NLRP13: variants seen among roughly 807,000 people sequenced by gnomAD.
NLRP13 encodes the protein NLR family pyrin domain containing 13, also known as NACHT, LRR and PYD domains-containing protein 13.
A neutral mutation model predicts 94.4 loss-of-function variants in NLRP13; 82 were observed. The ratio of observed to expected loss-of-function variants is 0.87; its 90% confidence interval spans 0.73 to 1.04. The LOEUF is 1.04. Among genes scored for constraint, NLRP13 ranks in the 50% least tolerant of loss-of-function variants. The pLI, the probability that NLRP13 is intolerant of heterozygous loss-of-function variation, is 0.00. For missense variants in NLRP13, 1,426 were observed against 1,230.8 expected (o/e 1.16, Z -2.37); for synonymous variants, 553 against 464.7 (o/e 1.19, Z -2.45).
At chr19:55,910,836 A>T (rs925325127) in intron 5 of NLRP13, 103 bp from the exon 6 acceptor site, 4 of 1,035,534 alleles carry the variant, frequency 3.9e-6, no homozygotes, top group African/African-American at 1.6e-5. Flanking sequence ...CAAAATTATT[A>T]TAATTTTCCT....
intron 4 of NLRP13, among the ~76,000 whole-genome samples, chr19:55,921,159 T>A (rs1409084773): frequency 2.0e-5 from 3 of 152,120 alleles, no homozygotes; most frequent in African/African-American, 7.2e-5. Flanking sequence ...ATTCCTTTAA[T>A]AGGTACAATG....
chr19:55,892,225 C>A (rs750840818), downstream of NLRP13: 8 of 794,382 alleles, frequency 1.0e-5, no homozygotes, highest in South Asian at 6.6e-5. Context: ...TTACATGGGT[C>A]TACTGTGTGG....
chr19:55,914,650 G>T (rs1986632668), intron 4 of NLRP13, among the ~76,000 whole-genome samples: 1 of 152,110 alleles, frequency 6.6e-6, no homozygotes, highest in Non-Finnish European at 1.5e-5. Context: ...GTGAGATGGG[G>T]CAGTAATTGC....
chr19:55,902,308 G>C, intron 8 of NLRP13, 103 bp from the exon 9 acceptor site: 1 of 937,502 alleles, frequency 1.1e-6, no homozygotes, highest in East Asian at 2.6e-5. Flanking sequence ...ACATGCAGCA[G>C]CTCCCTGGAC....
intron 9 of NLRP13, among the ~76,000 whole-genome samples, chr19:55,900,320 A>G (rs1986131501): frequency 6.6e-6 from 1 of 152,250 alleles, no homozygotes; most frequent in Non-Finnish European, 1.5e-5. Context: ...CAGCATTTGA[A>G]AACATACTCA....
chr19:55,907,546 C>T (rs1172903366), intron 7 of NLRP13, among the ~76,000 whole-genome samples: 5 of 152,004 alleles, frequency 3.3e-5, no homozygotes, highest in Admixed American at 1.3e-4. Context: ...CACTCCAGCC[C>T]GGGGAACAGA....
intron 4 of NLRP13, among the ~76,000 whole-genome samples, chr19:55,913,548 C>CAAAAAAAAAAAAAAAAAAAAAAAAAAAA (rs10530056): frequency 7.7e-5 from 4 of 52,070 alleles, no homozygotes; most frequent in Non-Finnish European, 8.0e-5. Context: ...GACTCCGTCT[C>CAAAAAAAAAAAAAAAAAAAAAAAAAAAA]AAAAAAAAAA....
chr19:55,931,054 G>T (rs977698559), intron 1 of NLRP13, among the ~76,000 whole-genome samples: 1 of 144,684 alleles, frequency 6.9e-6, no homozygotes, highest in Admixed American at 6.8e-5. Context: ...GATGTGGCAT[G>T]AAACTTTACC....
intron 9 of NLRP13, among the ~76,000 whole-genome samples, chr19:55,901,298 A>AC (rs1409436048): frequency 6.6e-6 from 1 of 152,172 alleles, no homozygotes; most frequent in Non-Finnish European, 1.5e-5. Context: ...GCAAATCCTG[A>AC]CCCCGTGCCC....
rs1985995498 is a variant in NLRP13 at position 55,895,958 on chromosome 19, T to C, written c.3119A>G (p.Gln1040Arg). ...AGTCAGTGAGGTTTACCCGAGTTTCTGCAGCCTGCATGTCGACTTTTTCAA... is the reference window on the plus strand; with the variant it reads ...AGTCAGTGAGGTTTACCCGAGTTTCCGCAGCCTGCATGTCGACTTTTTCAA... ...KALKKSTCRL[Q>R]KLG Residue 1040 changes from glutamine to arginine, a missense_variant, in exon 11 of 11, where the codon CAG becomes CGG. Physicochemically the swap from Gln to Arg is conservative, Grantham distance 43. Coordinates refer to ENST00000342929, the MANE Select transcript of NLRP13 (RefSeq NM_176810.2). 1.2e-6 allele frequency: 2 copies of C among 1,613,996 alleles called. No individual in the cohort carries two copies. Among genetic ancestry groups the C allele is most frequent in the South Asian group, 2.2e-5 (2 of 91,036 alleles).
Position 55,913,097 on chromosome 19 carries a change from C to G in NLRP13, c.720G>C (p.Gly240=), listed in dbSNP as rs1440919029. 6.2e-7 allele frequency: 1 copy of G among 1,614,012 alleles called. No homozygotes were observed. Among genetic ancestry groups the G allele is most frequent in the African/African-American group, 1.3e-5 (1 of 74,928 alleles). ...TIVLVGRAGV[G]KTTLAMQAML... is the part of the protein sequence containing the mutation. ...TAGCCTGCATTGCCAAGGTGGTCTT[C>G]CCAACCCCTGCCCTCCCCACCAAGA... The change falls in exon 5 of 11, where the codon GGG becomes GGC. Residue 240 remains glycine, a synonymous_variant. Coordinates refer to ENST00000342929, the MANE Select transcript of NLRP13 (RefSeq NM_176810.2).
rs1377893830 is a variant in NLRP13, at chr19:55,907,415, T to TA, written c.2447+376dup. 5.0e-3 allele frequency among the ~76,000 whole-genome samples: 755 copies of TA among 151,916 alleles called. 8 individuals are homozygous for TA. Among genetic ancestry groups the TA allele is most frequent in the African/African-American group, 0.018 (730 of 41,462 alleles). ...GGCAAAACCCCATTTCTACAAAAAG[T>TA]ACAAAAATTCACTGGGTGTGGTGGC... is the stretch of plus-strand genomic sequence containing the variant. On this transcript the variant is annotated intron_variant, in intron 7 of 10. Transcript: ENST00000342929.
rs768533031 is a variant in NLRP13 at position 55,924,539 on chromosome 19, C to T, written c.457+51G>A. On this transcript the variant is annotated intron_variant, in intron 3 of 10. Transcript: ENST00000342929. ...AGGCAGCAAATGTGGACCAATGAAA[C>T]GAGTGTTCCATCAAGCAACCTGTCA... The T allele has an allele frequency of 2.3e-4, 302 of 1,306,972 alleles. 1 individual carries two copies. Among genetic ancestry groups the T allele is most frequent in the East Asian group, 1.9e-3 (84 of 43,468 alleles). 81.0% of individuals were successfully genotyped at this position (1,306,972 alleles called of 1,614,324 possible). A position where few individuals can be genotyped will look rare whatever the true frequency, so the allele number is the denominator to read the frequency against.
chr19:55,894,941 G>A (rs971920298), downstream of NLRP13, among the ~76,000 whole-genome samples: 2 of 152,168 alleles, frequency 1.3e-5, no homozygotes, highest in Non-Finnish European at 2.9e-5. Context: ...TGGCTGTTAA[G>A]ATTTAATTAG....
intron 3 of NLRP13, 48 bp downstream of exon 3, chr19:55,924,542 G>C (rs749332696): frequency 2.3e-6 from 3 of 1,311,260 alleles, no homozygotes; most frequent in Non-Finnish European, 3.3e-6. Flanking sequence ...AATGAAACGA[G>C]TGTTCCATCA....
At chr19:55,931,046 T>C (rs1987119229) in intron 1 of NLRP13, among the ~76,000 whole-genome samples, 2 of 146,662 alleles carry the variant, frequency 1.4e-5, no homozygotes. Flanking sequence ...CCACAGAAGA[T>C]GTGGCATGAA....
intron 3 of NLRP13, among the ~76,000 whole-genome samples, chr19:55,924,262 A>T (rs888592872): frequency 1.3e-5 from 2 of 152,110 alleles, no homozygotes; most frequent in Non-Finnish European, 2.9e-5. Context: ...AGCTGGGATT[A>T]CAGGCACACA....
intron 1 of NLRP13, among the ~76,000 whole-genome samples, chr19:55,928,797 T>C (rs892714427): frequency 2.6e-5 from 4 of 152,106 alleles, no homozygotes; most frequent in African/African-American, 7.2e-5. Context: ...TGGGATCTAA[T>C]TGAACTAAAG....
chr19:55,922,956 G>A (rs1387562592), intron 4 of NLRP13, among the ~76,000 whole-genome samples: 1 of 152,220 alleles, frequency 6.6e-6, no homozygotes, highest in Admixed American at 6.5e-5. Context: ...CAGACCTCAA[G>A]AGCTGGCTGG....
Sources: allele counts gnomAD v4.1 joint callset (sites outside exome capture counted in the v4.1 genomes callset), GRCh38; gene constraint gnomAD v4.1.1; transcripts MANE v1.5; gene names NCBI Gene and HGNC (gene_info 2026-07-23, HGNC 2026-07-21).